Variants in NEK10 observed in about 807,000 individuals in gnomAD.
The protein encoded by NEK10 is NIMA related kinase 10.
Under a neutral mutation model 159.8 loss-of-function variants are expected in NEK10, and 122 were observed. The observed-to-expected ratio is 0.76, with a 90% CI of 0.66 to 0.89. The LOEUF (loss-of-function observed/expected upper bound fraction) is 0.89, where lower values mean the gene tolerates loss of function less well. Among genes scored for constraint, NEK10 ranks in the 40% least tolerant of loss-of-function variants. The pLI is 0.00. For missense variants in NEK10, 1,342 were observed against 1,323.1 expected, an observed-to-expected ratio of 1.01 and a Z score of -0.22; for synonymous variants, 466 against 457.1, an observed-to-expected ratio of 1.02 and a Z score of -0.25.
At chr3:27,283,262 T>A (rs1321012224) in intron 22 of NEK10, among the ~76,000 whole-genome samples, 2 of 152,080 alleles carry the variant, frequency 1.3e-5, no homozygotes, top group Non-Finnish European at 2.9e-5. Context: ...ATCAATGATG[T>A]CTCCACATCA....
chr3:27,247,372 A>G (rs1955178505), intron 23 of NEK10, among the ~76,000 whole-genome samples: 1 of 152,148 alleles, frequency 6.6e-6, no homozygotes, highest in East Asian at 1.9e-4. Flanking sequence ...GTCAGCATCA[A>G]TTGAAATGAT....
chr3:27,333,187 A>G (rs2046547239), intron 5 of NEK10, among the ~76,000 whole-genome samples: 1 of 152,160 alleles, frequency 6.6e-6, no homozygotes. Flanking sequence ...GGAAAGGGTG[A>G]GTGAGAGACC....
At chr3:27,319,492 T>A (rs2045463088) in intron 6 of NEK10, among the ~76,000 whole-genome samples, 1 of 152,176 alleles carries the variant, frequency 6.6e-6, no homozygotes, top group South Asian at 2.1e-4. Context: ...TTTAAATGGC[T>A]TCCAGAGAGA....
chr3:27,349,343 G>T (rs1375444433), intron 3 of NEK10, among the ~76,000 whole-genome samples: 1 of 151,806 alleles, frequency 6.6e-6, no homozygotes, highest in Non-Finnish European at 1.5e-5. Context: ...TTCCACTGAC[G>T]GAAAAGCAGC....
intron 30 of NEK10, among the ~76,000 whole-genome samples, chr3:27,158,066 G>A (rs373315992): frequency 3.9e-5 from 6 of 152,160 alleles, no homozygotes; most frequent in African/African-American, 9.6e-5. Flanking sequence ...AAAAAATTCA[G>A]GTGACATGTT....
At chr3:27,362,179 A>ACGG (rs1024110479) in intron 1 of NEK10, among the ~76,000 whole-genome samples, 1 of 152,188 alleles carries the variant, frequency 6.6e-6, no homozygotes, top group Non-Finnish European at 1.5e-5. Flanking sequence ...GGGGTGAACA[A>ACGG]CGGGCCTGGC....
At chr3:27,324,369 C>T (rs1263257859) in intron 5 of NEK10, among the ~76,000 whole-genome samples, 3 of 152,180 alleles carry the variant, frequency 2.0e-5, no homozygotes, top group Non-Finnish European at 2.9e-5. Context: ...AACTAGAACC[C>T]ATGGCTTCCT....
intron 23 of NEK10, chr3:27,215,023 T>C: frequency 3.3e-6 from 2 of 608,422 alleles, no homozygotes; most frequent in Non-Finnish European, 6.2e-6. Context: ...CTCCGACCTG[T>C]TCCCCACCGG....
chr3:27,285,232 G>A (rs1185022244), intron 20 of NEK10, among the ~76,000 whole-genome samples: 1 of 152,092 alleles, frequency 6.6e-6, no homozygotes, highest in Non-Finnish European at 1.5e-5. Flanking sequence ...CATTTTCTAT[G>A]TATGCCAGGA....
At chr3:27,199,790 A>G (rs1326855381) in intron 25 of NEK10, among the ~76,000 whole-genome samples, 1 of 152,212 alleles carries the variant, frequency 6.6e-6, no homozygotes, top group African/African-American at 2.4e-5. Flanking sequence ...AAAAAGCAAC[A>G]ACATCATGTC....
chr3:27,338,630 G>A (rs1241041717), intron 5 of NEK10, among the ~76,000 whole-genome samples: 1 of 152,236 alleles, frequency 6.6e-6, no homozygotes, highest in African/African-American at 2.4e-5. Context: ...TAACTGGCGT[G>A]AGATAATATC....
intron 23 of NEK10, among the ~76,000 whole-genome samples, chr3:27,250,047 C>G (rs2149295929): frequency 6.6e-6 from 1 of 152,166 alleles, no homozygotes; most frequent in East Asian, 1.9e-4. Flanking sequence ...CTTATTGTTT[C>G]TCTTTATATG....
rs144544616 is a variant in NEK10, at chr3:27,148,479, C to T, written c.2870-6897G>A. 3.7e-3 allele frequency among the ~76,000 whole-genome samples: 562 copies of T among 152,266 alleles called. 6 individuals carry two copies. Among genetic ancestry groups the T allele is most frequent in the African/African-American group, 0.012 (493 of 41,558 alleles). On this transcript the variant is annotated intron_variant, in intron 30 of 35. Transcript: ENST00000691995. ...GGTATGGCTCATGTGCAACAGACTCCACATGAACCTAAGGTCTTTGATATC... is the reference window on the plus strand; with the variant it reads ...GGTATGGCTCATGTGCAACAGACTCTACATGAACCTAAGGTCTTTGATATC...
chr3:27,178,580 T>C (rs761078617), intron 26 of NEK10, among the ~76,000 whole-genome samples: 4 of 152,240 alleles, frequency 2.6e-5, no homozygotes, highest in Non-Finnish European at 5.9e-5. Context: ...GGTGATCTTT[T>C]ATCAGTGGCA....
chr3:27,225,176 A>T (rs978368408), intron 23 of NEK10, among the ~76,000 whole-genome samples: 3 of 152,174 alleles, frequency 2.0e-5, no homozygotes, highest in Non-Finnish European at 2.9e-5. Flanking sequence ...TGGGAGAAAG[A>T]TGAAGGCTGG....
intron 30 of NEK10, among the ~76,000 whole-genome samples, chr3:27,161,348 T>TTGTA (rs1309527994): frequency 6.6e-6 from 1 of 152,200 alleles, no homozygotes; most frequent in Non-Finnish European, 1.5e-5. Context: ...TATGCTGACA[T>TTGTA]TGTAATGGCC....
At chr3:27,157,098 TATCTTCTCACTG>T (rs1169166880) in intron 30 of NEK10, among the ~76,000 whole-genome samples, 1 of 151,174 alleles carries the variant, frequency 6.6e-6, no homozygotes, top group Non-Finnish European at 1.5e-5. Flanking sequence ...CCAAACATTG[TATCTTCTCACTG>T]ATATGTGGGA....
At chr3:27,245,223 G>A (rs1043014436) in intron 23 of NEK10, among the ~76,000 whole-genome samples, 2 of 152,142 alleles carry the variant, frequency 1.3e-5, no homozygotes, top group Admixed American at 6.5e-5. Context: ...CACATGTCTT[G>A]ATTCCTGAAG....
chr3:27,170,117 G>C (rs1057465136), intron 29 of NEK10, among the ~76,000 whole-genome samples: 1 of 152,134 alleles, frequency 6.6e-6, no homozygotes, highest in Admixed American at 6.5e-5. Flanking sequence ...TGTCACATAA[G>C]TTAGCTAAAG....
Sources: allele counts gnomAD v4.1 joint callset (sites outside exome capture counted in the v4.1 genomes callset), GRCh38; gene constraint gnomAD v4.1.1; transcripts MANE v1.5; gene names NCBI Gene and HGNC (gene_info 2026-07-23, HGNC 2026-07-21).